Variants in PARD3 observed in about 807,000 individuals in gnomAD.
The protein encoded by PARD3 is partitioning defective 3 homolog.
A neutral mutation model predicts 155.4 loss-of-function variants in PARD3; 75 were observed. That is an observed-to-expected ratio of 0.48 (90% CI 0.40 to 0.58). PARD3 has a LOEUF of 0.58. Among genes scored for constraint, PARD3 ranks in the 20% least tolerant of loss-of-function variants. The probability of loss-of-function intolerance (pLI) is 0.00; values close to 1 mark genes in which losing one functional copy is unlikely to be tolerated. For missense variants in PARD3, 1,642 were observed against 1,721.7 expected, an observed-to-expected ratio of 0.95 and a Z score of 0.82; for synonymous variants, 576 against 610.5, an observed-to-expected ratio of 0.94 and a Z score of 0.83.
At chr10:34,310,224 T>C (rs1372951712) in intron 20 of PARD3, among the ~76,000 whole-genome samples, 2 of 152,224 alleles carry the variant, frequency 1.3e-5, no homozygotes, top group East Asian at 1.9e-4. Context: ...TCACAAGGAA[T>C]ATTTCCAACA....
intron 22 of PARD3, among the ~76,000 whole-genome samples, chr10:34,165,571 C>T (rs1371315496): frequency 1.3e-5 from 2 of 152,170 alleles, no homozygotes; most frequent in Admixed American, 6.5e-5. Context: ...CAGTGCCACC[C>T]CTCTCTGCCT....
At chr10:34,222,494 G>A (rs1474667356) in intron 22 of PARD3, among the ~76,000 whole-genome samples, 1 of 152,240 alleles carries the variant, frequency 6.6e-6, no homozygotes, top group Non-Finnish European at 1.5e-5. Flanking sequence ...TGCTCTTGCA[G>A]TAAATGTGAA....
chr10:34,662,871 G>GAAAAAAAAAA lies in PARD3; in HGVS notation c.222+33437_222+33446dup, dbSNP rs568672135. Reference sequence around the variant, plus strand: ...TGGGTGACAGTGAGAAACTGTCTCAGAAAAAAAAAAAAAAAGAATCAAACT... The same window carrying GAAAAAAAAAA: ...TGGGTGACAGTGAGAAACTGTCTCAGAAAAAAAAAAAAAAAAAAAAAAAAAGAATCAAACT... On this transcript the variant is annotated intron_variant, in intron 2 of 24. Transcript: ENST00000374788. Among the ~76,000 whole-genome samples the GAAAAAAAAAA allele has an allele frequency of 9.0e-4, 111 of 123,616 alleles. 2 individuals carry two copies. Among genetic ancestry groups the GAAAAAAAAAA allele is most frequent in the African/African-American group, 3.3e-3 (108 of 33,004 alleles). The allele number at this position is 123,616 out of a possible 152,430, so 81.1% of individuals were successfully genotyped here.
chr10:34,345,938 G>T, intron 15 of PARD3: 1 of 984,130 alleles, frequency 1.0e-6, no homozygotes, highest in South Asian at 4.7e-5. Context: ...ATACTTGTCA[G>T]GGTAAAACTA....
chr10:34,719,798 T>C (rs544944810), intron 1 of PARD3, among the ~76,000 whole-genome samples: 2 of 152,330 alleles, frequency 1.3e-5, no homozygotes, highest in South Asian at 4.1e-4. Context: ...ATATTACCAA[T>C]GTGATATGAT....
At chr10:34,331,077 C>T (rs1589205185) in intron 19 of PARD3, 40 bp downstream of exon 19, 1 of 1,516,626 alleles carries the variant, frequency 6.6e-7, no homozygotes, top group East Asian at 2.3e-5. Flanking sequence ...GAAATAGAGT[C>T]TAATTTTAAT....
At chr10:34,673,750 G>A (rs2093648782) in intron 2 of PARD3, among the ~76,000 whole-genome samples, 1 of 152,040 alleles carries the variant, frequency 6.6e-6, no homozygotes, top group Admixed American at 6.5e-5. Flanking sequence ...AAGAGACAGA[G>A]AAGAAAAGAT....
intron 22 of PARD3, among the ~76,000 whole-genome samples, chr10:34,228,133 A>G (rs890561538): frequency 6.6e-6 from 1 of 151,800 alleles, no homozygotes; most frequent in Non-Finnish European, 1.5e-5. Context: ...TGGAGCTGCC[A>G]TTATCCTAAG....
chr10:34,139,992 T>A (rs1424396636), intron 22 of PARD3, among the ~76,000 whole-genome samples: 1 of 152,202 alleles, frequency 6.6e-6, no homozygotes, highest in African/African-American at 2.4e-5. Context: ...ATAGTTCTAA[T>A]CTACAGATGT....
chr10:34,342,594 G>T (rs573394370), intron 15 of PARD3, among the ~76,000 whole-genome samples: 2 of 152,204 alleles, frequency 1.3e-5, no homozygotes, highest in Non-Finnish European at 2.9e-5. Context: ...GATACCTGGA[G>T]TGATCTTGAT....
intron 20 of PARD3, among the ~76,000 whole-genome samples, chr10:34,288,774 A>AGTT (rs2133956992): frequency 6.6e-6 from 1 of 152,328 alleles, no homozygotes; most frequent in South Asian, 2.1e-4. Flanking sequence ...CTGTGTTAAT[A>AGTT]GTTGCTCCAG....
chr10:34,662,873 A>AAAAAAAAAAAAAG (rs2093358787), intron 2 of PARD3, among the ~76,000 whole-genome samples: 1 of 66,206 alleles, frequency 1.5e-5, no homozygotes, highest in African/African-American at 4.9e-5. Context: ...CTGTCTCAGA[A>AAAAAAAAAAAAAG]AAAAAAAAAA....
intron 11 of PARD3, 136 bp downstream of exon 11, chr10:34,374,738 C>T: frequency 1.2e-6 from 1 of 808,912 alleles, no homozygotes; most frequent in Admixed American, 2.3e-5. Flanking sequence ...TGTTTGTATT[C>T]AGTGAGGGCT....
intron 2 of PARD3, among the ~76,000 whole-genome samples, chr10:34,588,541 G>T (rs1009453183): frequency 6.6e-6 from 1 of 152,182 alleles, no homozygotes; most frequent in African/African-American, 2.4e-5. Flanking sequence ...CTCCATGTAT[G>T]AATTTATTAC....
Position 34,401,910 on chromosome 10 carries a change from T to C in PARD3, c.722A>G (p.Asp241Gly). ...KWLEKQEQDE[D>G]GTEEDNSRVE... Reference sequence around the variant, plus strand: ...ACGACTGTTATCCTCTTCTGTCCCATCCTCATCCTAGAGGCAGCCAACACA... The same window carrying C: ...ACGACTGTTATCCTCTTCTGTCCCACCCTCATCCTAGAGGCAGCCAACACA... Residue 241 changes from aspartate to glycine, a missense_variant, in exon 6 of 25, where the codon GAT becomes GGT. Asp to Gly is a moderately conservative substitution (Grantham distance 94, BLOSUM62 -1). Around this residue, in one of 3 missense-constraint regions of PARD3, gnomAD observed 1,529 missense variants for 1,587.3 expected, o/e 0.96. Transcript: ENST00000374788. 2 of 1,613,202 alleles carry C rather than the reference T, an allele frequency of 1.2e-6. No individual in the cohort carries two copies. The highest frequency in any genetic ancestry group is 1.7e-6 in the Non-Finnish European group (2 of 1,179,218).
chr10:34,127,555 C>G (rs896144464), intron 23 of PARD3, among the ~76,000 whole-genome samples: 1 of 152,100 alleles, frequency 6.6e-6, no homozygotes, highest in Non-Finnish European at 1.5e-5. Flanking sequence ...AACCACAATG[C>G]CTGGGACATA....
chr10:34,706,588 GAAAAC>G (rs913760902), intron 1 of PARD3, among the ~76,000 whole-genome samples: 3 of 151,574 alleles, frequency 2.0e-5, no homozygotes, highest in Admixed American at 1.3e-4. Flanking sequence ...ATAAAATACA[GAAAAC>G]AAAACAAAAC....
chr10:34,757,259 TA>T (rs1836858881), intron 1 of PARD3, among the ~76,000 whole-genome samples: 1 of 152,230 alleles, frequency 6.6e-6, no homozygotes, highest in East Asian at 1.9e-4. Context: ...TAGTCAGCAC[TA>T]AAAATAAAAA....
intron 7 of PARD3, among the ~76,000 whole-genome samples, chr10:34,394,079 G>A (rs372857485): frequency 2.0e-5 from 3 of 151,918 alleles, no homozygotes; most frequent in South Asian, 2.1e-4. Flanking sequence ...TTCATGATCC[G>A]CCCGCCTCAG....
Sources: gnomAD v4.1 joint callset for allele counts (sites outside exome capture counted in the v4.1 genomes callset) on GRCh38, gnomAD v4.1.1 for gene constraint, gnomAD v4.1.1 regional missense constraint, MANE v1.5 for transcripts, NCBI Gene and HGNC (gene_info 2026-07-23, HGNC 2026-07-21) for gene names.